COX6B2: variants seen among roughly 807,000 people sequenced by gnomAD.
COX6B2 encodes COX VIb-2.
In COX6B2, 12 loss-of-function variants were observed where a neutral mutation model predicts 13.7. That is an observed-to-expected ratio of 0.87 (90% confidence interval 0.56 to 1.41). The LOEUF (loss-of-function observed/expected upper bound fraction) is 1.41, where lower values mean the gene tolerates loss of function less well. COX6B2 is among the 40% of genes most tolerant of loss of function. The probability of loss-of-function intolerance (pLI) is 0.00; values close to 1 mark genes in which losing one functional copy is unlikely to be tolerated. For synonymous variants in COX6B2, 56 were observed against 46.6 expected (o/e 1.20, Z -0.82); for missense variants, 130 against 118.3 (o/e 1.10, Z -0.46).
In COX6B2 at chr19:55,350,127, CA is replaced by C. The variant is rs201225343; in HGVS notation, c.*787del. The C allele has an allele frequency of 1.3e-5, 2 of 150,572 alleles. No homozygotes were observed. The highest frequency in any genetic ancestry group is 2.5e-5 in the African/African-American group (1 of 40,808). 9.3% of individuals were successfully genotyped at this position (150,572 alleles called of 1,614,324 possible). Reference sequence around the variant, plus strand: ...GGGTGACAGGAGCGAAACTCTGTCTCAAAAAAAATAAAAATAAAAATAAAAA... The same window carrying C: ...GGGTGACAGGAGCGAAACTCTGTCTCAAAAAAATAAAAATAAAAATAAAAA... On this transcript the variant is annotated 3_prime_UTR_variant, in exon 5 of 5. Coordinates refer to ENST00000326529, the MANE Select transcript of COX6B2 (RefSeq NM_144613.5). This position sits in a 1 kb window ranked among gnomAD's most constrained non-coding sequence, Gnocchi z 4.2.
chr19:55,354,353 C>T (rs2123218844), intron 2 of COX6B2, 57 bp downstream of exon 2: 2 of 1,445,118 alleles, frequency 1.4e-6, no homozygotes, highest in South Asian at 2.3e-5. Flanking sequence ...GAGTGCCCCT[C>T]CCTGCCGTCC....
Position 55,350,594 on chromosome 19 carries a change from G to A in COX6B2, c.*321C>T, listed in dbSNP as rs2089664072. ...GGACCCTGGCTTCCACGAAGTTGGA[G>A]GCGTTCATGCTGGCACTTCCCAGCT... On this transcript the variant is annotated 3_prime_UTR_variant, in exon 5 of 5. Coordinates refer to ENST00000326529, the MANE Select transcript of COX6B2 (RefSeq NM_144613.5). This position sits in a 1 kb window ranked among gnomAD's most constrained non-coding sequence, Gnocchi z 4.2. 1 of 152,456 alleles carries A rather than the reference G, an allele frequency of 6.6e-6. No individual in the cohort carries two copies. The highest frequency in any genetic ancestry group is 6.5e-5 in the Admixed American group (1 of 15,288). 9.4% of individuals were successfully genotyped at this position (152,456 alleles called of 1,614,324 possible).
At position 55,354,414 on chromosome 19, in the gene COX6B2, G is replaced by T; in HGVS notation, c.108C>A (p.Phe36Leu). ...ACCTGGCTGAGCAGGTCTCACCCAGGAAGTTCTGGTAGCAGTTACGGATCT... is the reference window on the plus strand; with the variant it reads ...ACCTGGCTGAGCAGGTCTCACCCAGTAAGTTCTGGTAGCAGTTACGGATCT... ...QNQIRNCYQN[F>L]LDYHRCLKTR... The change falls in exon 2 of 5, where the codon TTC (phenylalanine) becomes TTA (leucine). Residue 36 changes from phenylalanine to leucine, a missense_variant. Coordinates refer to ENST00000326529, the MANE Select transcript of COX6B2 (RefSeq NM_144613.5). 6.2e-7 allele frequency: 1 copy of T among 1,612,118 alleles called. No individual in the cohort carries two copies. Among genetic ancestry groups the T allele is most frequent in the Non-Finnish European group, 8.5e-7 (1 of 1,179,202 alleles).
At position 55,354,549 on chromosome 19, in the gene COX6B2, G is replaced by A; in HGVS notation, c.-18-10C>T. On this transcript the variant is annotated splice_polypyrimidine_tract_variant and intron_variant, in intron 1 of 4. Coordinates refer to ENST00000326529, the MANE Select transcript of COX6B2 (RefSeq NM_144613.5). The stretch of plus-strand genomic sequence containing the variant: ...ACGAAGGAGGCAACTCCTGCGAGAC[G>A]GGACGGGACGGGGACTCCGTGGGGC... 1 of 1,515,698 alleles carries A rather than the reference G, an allele frequency of 6.6e-7. No individual in the cohort carries two copies. The highest frequency in any genetic ancestry group is 2.3e-5 in the East Asian group (1 of 44,286). 93.9% of individuals were successfully genotyped at this position (1,515,698 alleles called of 1,614,324 possible). A position where few individuals can be genotyped will look rare whatever the true frequency, so the allele number is the denominator to read the frequency against.
At chr19:55,354,044 C>T in intron 2 of COX6B2, 78 bp from the exon 3 acceptor site, 1 of 1,278,382 alleles carries the variant, frequency 7.8e-7, no homozygotes, top group Non-Finnish European at 1.1e-6. Flanking sequence ...CGGGCCCTCC[C>T]AGTTCTTCGC....
Position 55,354,453 on chromosome 19 carries a change from G to A in COX6B2, c.69C>T (p.Phe23=), listed in dbSNP as rs1272712665. 5 of 1,613,930 alleles carry A rather than the reference G, an allele frequency of 3.1e-6. No individual in the cohort carries two copies. The highest frequency in any genetic ancestry group is 4.2e-6 in the Non-Finnish European group (5 of 1,179,974). ...AGTTACGGATCTGGTTCTGGCTGGGGAAGCGCGGGTCGAAGGGCGGCGTCG... is the reference window on the plus strand; with the variant it reads ...AGTTACGGATCTGGTTCTGGCTGGGAAAGCGCGGGTCGAAGGGCGGCGTCG... ...KWSTPPFDPR[F]PSQNQIRNCY... Residue 23 remains phenylalanine (F), a synonymous_variant, in exon 2 of 5, where the codon TTC becomes TTT. Coordinates refer to ENST00000326529, the MANE Select transcript of COX6B2 (RefSeq NM_144613.5).
In COX6B2 at chr19:55,354,497, G is replaced by T. The variant is rs745372914; in HGVS notation, c.25C>A (p.Pro9Thr). The change falls in exon 2 of 5, where the codon CCC (proline) becomes ACC (threonine). Residue 9 changes from proline to threonine, a missense_variant. Transcript: ENST00000326529. The stretch of plus-strand genomic sequence containing the variant: ...GGCGTCGACCATTTCCCCTTGGGGG[G>T]CTCCTGGGCTTCCACATCCAACATC... The part of the protein sequence containing the change: MLDVEAQE[P>T]PKGKWSTPPF... 2.5e-6 allele frequency: 4 copies of T among 1,612,742 alleles called. No homozygotes were observed. The African/African-American group carries it at 5.3e-5, about 21-fold the overall frequency.
At chr19:55,351,797 C>T (rs913971900) in intron 4 of COX6B2, 6 of 152,198 alleles carry the variant, frequency 3.9e-5, no homozygotes, top group African/African-American at 4.8e-5. Flanking sequence ...AGGAGGTGTT[C>T]GGAGTTTGCA....
rs1446951215 is a variant in COX6B2 at position 55,352,206 on chromosome 19, T to C, written c.*114+1401A>G. On this transcript the variant is annotated intron_variant, in intron 4 of 4. Coordinates refer to ENST00000326529, the MANE Select transcript of COX6B2 (RefSeq NM_144613.5). This position sits in a 1 kb window ranked among gnomAD's most constrained non-coding sequence, Gnocchi z 6.2. Reference sequence around the variant, plus strand: ...ACGTTGCATGAACAGGAAGCCCTCCTGTAGTTGAGTCCACACCCTGTGCCC... The same window carrying C: ...ACGTTGCATGAACAGGAAGCCCTCCCGTAGTTGAGTCCACACCCTGTGCCC... 1.3e-5 allele frequency: 2 copies of C among 152,166 alleles called. No homozygotes were observed. The highest frequency in any genetic ancestry group is 1.5e-5 in the Non-Finnish European group (1 of 68,038). The allele number at this position is 152,166 out of a possible 1,614,324, so 9.4% of individuals were successfully genotyped here.
chr19:55,354,591 C>T, intron 1 of COX6B2, 52 bp from the exon 2 acceptor site: 2 of 1,153,706 alleles, frequency 1.7e-6, no homozygotes, highest in Non-Finnish European at 2.5e-6. Context: ...GGCGCCCTCG[C>T]TCCGACCCGT....
chr19:55,354,716 C>T lies in COX6B2; in HGVS notation c.-85G>A. 1 of 558,056 alleles carries T rather than the reference C, an allele frequency of 1.8e-6. No individual in the cohort carries two copies. Among genetic ancestry groups the T allele is most frequent in the South Asian group, 2.1e-5 (1 of 46,588 alleles). 34.6% of individuals were successfully genotyped at this position (558,056 alleles called of 1,614,324 possible). On this transcript the variant is annotated 5_prime_UTR_variant, in exon 1 of 5. Transcript: ENST00000326529. The stretch of plus-strand genomic sequence containing the variant: ...CCCGGGGTGCCGCTCGCTTCTGAGT[C>T]CGCGGGGTGCGGTCCCACCCGGGTC...
rs2089658109 is a variant in COX6B2, at chr19:55,349,920, G to C, written c.*995C>G. Reference sequence around the variant, plus strand: ...AGGTGGGCAGATTGCCTGAGGTCAGGAGTTTGAGACCAGCCTGACCAACAC... The same window carrying C: ...AGGTGGGCAGATTGCCTGAGGTCAGCAGTTTGAGACCAGCCTGACCAACAC... On this transcript the variant is annotated 3_prime_UTR_variant, in exon 5 of 5. Coordinates refer to ENST00000326529, the MANE Select transcript of COX6B2 (RefSeq NM_144613.5). The C allele has an allele frequency of 6.6e-6, 1 of 152,106 alleles. No individual in the cohort carries two copies. The highest frequency in any genetic ancestry group is 1.5e-5 in the Non-Finnish European group (1 of 68,058). 9.4% of individuals were successfully genotyped at this position (152,106 alleles called of 1,614,324 possible). A position where few individuals can be genotyped will look rare whatever the true frequency, so the allele number is the denominator to read the frequency against.
In COX6B2 at chr19:55,353,934, G is replaced by C. The variant is rs1195677834; in HGVS notation, c.145C>G (p.Arg49Gly). Residue 49 changes from arginine to glycine, a missense_variant, in exon 3 of 5, where the codon CGC (arginine) becomes GGC (glycine). Coordinates refer to ENST00000326529, the MANE Select transcript of COX6B2 (RefSeq NM_144613.5). ...YHRCLKTRTR[R>G]GKSTQPCEYY... ...TCGCAGGGCTGCGTGCTCTTCCCGC[G>C]GCGGGTCCTGGTCTTGAGGCAGCGG... 6.4e-7 allele frequency: 1 copy of C among 1,559,014 alleles called. No homozygotes were observed. The highest frequency in any genetic ancestry group is 2.4e-5 in the East Asian group (1 of 41,562).
intron 4 of COX6B2, chr19:55,353,377 C>A: frequency 2.4e-6 from 1 of 414,768 alleles, no homozygotes; most frequent in Non-Finnish European, 4.5e-6. Flanking sequence ...TAGCTGTCAA[C>A]GCGAGGCATC....
Position 55,354,656 on chromosome 19 carries a change from G to T in COX6B2, c.-25C>A. The T allele has an allele frequency of 1.6e-6, 1 of 643,636 alleles. No homozygotes were observed. The highest frequency in any genetic ancestry group is 2.7e-6 in the Non-Finnish European group (1 of 371,538). 39.9% of individuals were successfully genotyped at this position (643,636 alleles called of 1,614,324 possible). On this transcript the variant is annotated 5_prime_UTR_variant, in exon 1 of 5. Coordinates refer to ENST00000326529, the MANE Select transcript of COX6B2 (RefSeq NM_144613.5). ...CCACCCGTCGTGCCCTCACCAGCCT[G>T]ACGTTGGCGGCCACTGGATCTGCTG...
At chr19:55,354,262 T>A in intron 2 of COX6B2, 148 bp downstream of exon 2, 1 of 618,354 alleles carries the variant, frequency 1.6e-6, no homozygotes, top group Non-Finnish European at 2.6e-6. Context: ...CAGCCCCGCC[T>A]TTTCTCGACC....
rs756056464 is a variant in COX6B2 at position 55,353,712 on chromosome 19, C to A, written c.*9G>T. The A allele has an allele frequency of 5.0e-6, 8 of 1,608,490 alleles. No homozygotes were observed. In the South Asian group the frequency reaches 7.8e-5, roughly 16 times the overall value. On this transcript the variant is annotated 3_prime_UTR_variant, in exon 4 of 5. Transcript: ENST00000326529. The stretch of plus-strand genomic sequence containing the variant: ...CACTGCATCTTCAGAGGAAGCCGCG[C>A]TGGGGCAGTCAGATTTTGCCGGCGA...
chr19:55,353,645 T>C lies in COX6B2; in HGVS notation c.*76A>G, dbSNP rs920838959. On this transcript the variant is annotated 3_prime_UTR_variant, in exon 4 of 5. Transcript: ENST00000326529. ...TTAGACACTGGGAGGTAGGGGTGGA[T>C]AACCGAGACCCGGGGCTCCGCGAGA... The C allele has an allele frequency of 2.1e-6, 3 of 1,420,658 alleles. No individual in the cohort carries two copies. Among genetic ancestry groups the C allele is most frequent in the East Asian group, 4.8e-5 (2 of 41,764 alleles). The allele number at this position is 1,420,658 out of a possible 1,614,324, so 88.0% of individuals were successfully genotyped here. A position where few individuals can be genotyped will look rare whatever the true frequency, so the allele number is the denominator to read the frequency against.
intron 4 of COX6B2, among the ~76,000 whole-genome samples, chr19:55,351,208 C>T (rs1477768102): frequency 1.3e-5 from 2 of 152,244 alleles, no homozygotes; most frequent in Non-Finnish European, 2.9e-5. Flanking sequence ...TCGCCGTCCT[C>T]CCCACAACCC....
Sources: gnomAD v4.1 joint callset for allele counts (sites outside exome capture counted in the v4.1 genomes callset) on GRCh38, gnomAD v4.1.1 for gene constraint, Gnocchi (gnomAD v3.1) non-coding constraint, MANE v1.5 for transcripts, NCBI Gene and HGNC (gene_info 2026-07-23, HGNC 2026-07-21) for gene names.